TACR3: variants seen among roughly 807,000 people sequenced by gnomAD.
The protein encoded by TACR3 is neuromedin-K receptor.
TACR3 carries 34 observed loss-of-function variants against 35.0 expected under a neutral mutation model. That is an observed-to-expected ratio of 0.97 (90% confidence interval 0.74 to 1.30). The LOEUF is 1.30. Ranked by LOEUF, TACR3 falls within the 50% of genes most tolerant of loss-of-function variation. TACR3 has a pLI of 0.00. For synonymous variants in TACR3, 233 were observed against 221.1 expected, an observed-to-expected ratio of 1.05 and a Z score of -0.48; for missense variants, 558 against 591.7, an observed-to-expected ratio of 0.94 and a Z score of 0.59.
intron 3 of TACR3, among the ~76,000 whole-genome samples, chr4:103,620,429 T>C (rs2110303463): frequency 6.6e-6 from 1 of 152,264 alleles, no homozygotes; most frequent in South Asian, 2.1e-4. Flanking sequence ...AATAAATCAT[T>C]CTACCTAAAA....
intron 3 of TACR3, among the ~76,000 whole-genome samples, chr4:103,651,380 C>A (rs893170138): frequency 6.6e-6 from 1 of 151,784 alleles, no homozygotes; most frequent in Non-Finnish European, 1.5e-5. Flanking sequence ...TGCCACAGGC[C>A]TACAGGGAGT....
intron 3 of TACR3, among the ~76,000 whole-genome samples, chr4:103,644,118 T>G (rs1312588189): frequency 2.0e-5 from 3 of 151,886 alleles, no homozygotes; most frequent in East Asian, 3.9e-4. Flanking sequence ...CTGCCACACA[T>G]AGAGAGCAGG....
At chr4:103,639,223 A>T (rs1257764478) in intron 3 of TACR3, among the ~76,000 whole-genome samples, 2 of 151,786 alleles carry the variant, frequency 1.3e-5, no homozygotes, top group Admixed American at 6.6e-5. Context: ...GGATTAAGAA[A>T]CTGTGGCACA....
At position 103,587,413 on chromosome 4, in the gene TACR3, G is replaced by T. The variant is rs1578214231; in HGVS notation, c.*2269C>A. 3 of 152,042 alleles carry T rather than the reference G, an allele frequency of 2.0e-5. No homozygotes were observed. Among genetic ancestry groups the T allele is most frequent in the Non-Finnish European group, 4.4e-5 (3 of 67,982 alleles). 9.4% of individuals were successfully genotyped at this position (152,042 alleles called of 1,614,324 possible). A position where few individuals can be genotyped will look rare whatever the true frequency, so the allele number is the denominator to read the frequency against. On this transcript the variant is annotated 3_prime_UTR_variant, in exon 5 of 5. Transcript: ENST00000304883. ...GGTATTTCTGTCACACTAGAAGGGA[G>T]GTGCTCGGTAAGCAACACAACAATA...
At chr4:103,604,970 T>A (rs1218873079) in intron 3 of TACR3, among the ~76,000 whole-genome samples, 1 of 122,508 alleles carries the variant, frequency 8.2e-6, no homozygotes, top group African/African-American at 3.1e-5. Context: ...CCCAATGCTA[T>A]CCCTCCCCCC....
At chr4:103,707,067 C>T (rs1428687365) in intron 1 of TACR3, among the ~76,000 whole-genome samples, 1 of 152,192 alleles carries the variant, frequency 6.6e-6, no homozygotes, top group East Asian at 1.9e-4. Flanking sequence ...GGTACCATGG[C>T]TTTGGCCCAC....
chr4:103,615,965 C>T (rs1391367083), intron 3 of TACR3, among the ~76,000 whole-genome samples: 1 of 152,138 alleles, frequency 6.6e-6, no homozygotes, highest in Non-Finnish European at 1.5e-5. Context: ...GTAATATCCT[C>T]TGCTTTGACA....
chr4:103,623,366 C>T (rs1039204512), intron 3 of TACR3, among the ~76,000 whole-genome samples: 1 of 151,828 alleles, frequency 6.6e-6, no homozygotes, highest in South Asian at 2.1e-4. Flanking sequence ...AAGATAGACA[C>T]CCTGGGATTT....
intron 1 of TACR3, among the ~76,000 whole-genome samples, chr4:103,702,739 A>T (rs969127702): frequency 2.6e-5 from 4 of 152,046 alleles, no homozygotes; most frequent in African/African-American, 9.7e-5. Flanking sequence ...TGATGAGTTC[A>T]TGTTCCTTGT....
At chr4:103,623,207 A>T (rs1201605573) in intron 3 of TACR3, among the ~76,000 whole-genome samples, 1 of 152,090 alleles carries the variant, frequency 6.6e-6, no homozygotes, top group South Asian at 2.1e-4. Flanking sequence ...TTAATGCTTT[A>T]TACATGTATT....
chr4:103,591,198 C>G (rs939370560), intron 4 of TACR3: 3 of 443,382 alleles, frequency 6.8e-6, no homozygotes, highest in African/African-American at 5.9e-5. Flanking sequence ...ACTTCTTTTT[C>G]TTTGGCAGGT....
At position 103,648,618 on chromosome 4, in the gene TACR3, C is replaced by G. The variant is rs149802478; in HGVS notation, c.888+7576G>C. On this transcript the variant is annotated intron_variant, in intron 3 of 4. Transcript: ENST00000304883. ...TCCATGTTGTTGCAAGTGAAAGAATCTCATTCTTTTATGGCTGAAAAGTAC... is the reference window on the plus strand; with the variant it reads ...TCCATGTTGTTGCAAGTGAAAGAATGTCATTCTTTTATGGCTGAAAAGTAC... Among the ~76,000 whole-genome samples, 6 of 152,152 alleles carry G rather than the reference C, an allele frequency of 3.9e-5. No individual in the cohort carries two copies. In the East Asian group the frequency reaches 7.7e-4, roughly 20 times the overall value.
intron 3 of TACR3, among the ~76,000 whole-genome samples, chr4:103,628,951 C>T (rs1353006159): frequency 6.6e-6 from 1 of 152,122 alleles, no homozygotes; most frequent in Non-Finnish European, 1.5e-5. Context: ...ACAATCAAGT[C>T]AGCTTCATCC....
chr4:103,668,549 T>C (rs1206006885), intron 1 of TACR3, among the ~76,000 whole-genome samples: 2 of 151,972 alleles, frequency 1.3e-5, no homozygotes, highest in East Asian at 1.9e-4. Flanking sequence ...TTTTTTTGAG[T>C]ACATAACAGT....
intron 3 of TACR3, among the ~76,000 whole-genome samples, chr4:103,627,556 A>T (rs969188817): frequency 6.6e-6 from 1 of 151,796 alleles, no homozygotes; most frequent in South Asian, 2.1e-4. Context: ...TTTTAAAAAA[A>T]GTCTTGGTAA....
At chr4:103,703,823 G>A (rs1018414539) in intron 1 of TACR3, among the ~76,000 whole-genome samples, 24 of 151,946 alleles carry the variant, frequency 1.6e-4, no homozygotes, top group Admixed American at 1.2e-3. Flanking sequence ...ATACATGGCC[G>A]GCCGTGGTGG....
Position 103,650,885 on chromosome 4 carries a change from T to C in TACR3, c.888+5309A>G, listed in dbSNP as rs1466732009. Among the ~76,000 whole-genome samples, 8 of 15,192 alleles carry C rather than the reference T, an allele frequency of 5.3e-4. 1 individual carries two copies. Among genetic ancestry groups the C allele is most frequent in the South Asian group, 4.9e-3 (2 of 406 alleles). The allele number at this position is 15,192 out of a possible 152,430, so 10.0% of individuals were successfully genotyped here. ...CTCATATATAATAATATATATATCT[T>C]ATATATAATAATATATATATCTCAT... On this transcript the variant is annotated intron_variant, in intron 3 of 4. Coordinates refer to ENST00000304883, the MANE Select transcript of TACR3 (RefSeq NM_001059.3).
intron 2 of TACR3, 100 bp downstream of exon 2, chr4:103,658,115 C>G (rs1048742697): frequency 1.7e-6 from 2 of 1,190,894 alleles, no homozygotes; most frequent in Non-Finnish European, 2.5e-6. Context: ...TGTATGAACC[C>G]TGGGGGAAAT....
At chr4:103,711,422 G>C (rs774295296) in intron 1 of TACR3, among the ~76,000 whole-genome samples, 1 of 152,124 alleles carries the variant, frequency 6.6e-6, no homozygotes, top group Non-Finnish European at 1.5e-5. Context: ...ATGAAGAAAA[G>C]GTCTTTGACG....
Sources: gnomAD v4.1 joint callset for allele counts (sites outside exome capture counted in the v4.1 genomes callset) on GRCh38, gnomAD v4.1.1 for gene constraint, MANE v1.5 for transcripts, NCBI Gene and HGNC (gene_info 2026-07-23, HGNC 2026-07-21) for gene names.